The following LINGO2 variants were observed in gnomAD, a reference collection of about 807,000 sequenced individuals.
The protein encoded by LINGO2 is leucine-rich repeat and immunoglobulin-like domain-containing nogo receptor-interacting protein 2.
A neutral mutation model predicts 30.6 loss-of-function variants in LINGO2; 14 were observed. The ratio of observed to expected loss-of-function variants is 0.46; its 90% CI spans 0.30 to 0.72. The LOEUF (loss-of-function observed/expected upper bound fraction) is 0.72, where lower values mean the gene tolerates loss of function less well. Among genes scored for constraint, LINGO2 ranks in the 30% least tolerant of loss-of-function variants. LINGO2 has a pLI of 0.07. For synonymous variants in LINGO2, 317 were observed against 288.5 expected (o/e 1.10, Z -1.00); for missense variants, 729 against 751.7 (o/e 0.97, Z 0.35).
intron 5 of LINGO2, among the ~76,000 whole-genome samples, chr9:28,005,645 T>C (rs1437004695): frequency 1.3e-5 from 2 of 151,892 alleles, no homozygotes; most frequent in Admixed American, 6.6e-5. Flanking sequence ...CTTGCTTGAG[T>C]GTGTTGTGTT....
intron 1 of LINGO2, among the ~76,000 whole-genome samples, chr9:28,536,831 T>A (rs1194112473): frequency 6.6e-6 from 1 of 152,098 alleles, no homozygotes; most frequent in East Asian, 1.9e-4. Flanking sequence ...AACTCAAGGC[T>A]GGCTCCTACC....
chr9:28,736,729 T>C, the LINGO2 span, among the ~76,000 whole-genome samples: 7 of 150,318 alleles, frequency 4.7e-5, no homozygotes, highest in African/African-American at 1.7e-4. Flanking sequence ...GAGGCAGAGG[T>C]TGCAGTGAGC....
chr9:28,279,157 T>G (rs2134119776), intron 4 of LINGO2, among the ~76,000 whole-genome samples: 1 of 152,324 alleles, frequency 6.6e-6, no homozygotes, highest in Non-Finnish European at 1.5e-5. Context: ...GAGAAGTTGC[T>G]TCTTATGGAT....
At chr9:28,419,542 A>G (rs1338166231) in intron 2 of LINGO2, among the ~76,000 whole-genome samples, 1 of 152,032 alleles carries the variant, frequency 6.6e-6, no homozygotes, top group Non-Finnish European at 1.5e-5. Context: ...ACGGAAGAAG[A>G]ACAAGCCTGG....
chr9:28,378,325 T>C (rs1821211935), intron 2 of LINGO2, among the ~76,000 whole-genome samples: 1 of 152,202 alleles, frequency 6.6e-6, no homozygotes, highest in Non-Finnish European at 1.5e-5. Context: ...TATGCCATTT[T>C]AAGCAGGGAG....
the LINGO2 span, among the ~76,000 whole-genome samples, chr9:28,838,224 T>G: frequency 6.6e-6 from 1 of 152,170 alleles, no homozygotes; most frequent in African/African-American, 2.4e-5. Context: ...GAAGCAGATA[T>G]GAGAGTCCAA....
exon 6 of LINGO2, chr9:27,949,898 G>T: frequency 1.2e-6 from 2 of 1,614,080 alleles, no homozygotes; most frequent in Non-Finnish European, 1.7e-6. Flanking sequence ...ACAGATTGGT[G>T]TTGGTGACTG....
At chr9:28,167,401 G>A (rs1298061413) in intron 4 of LINGO2, among the ~76,000 whole-genome samples, 1 of 152,114 alleles carries the variant, frequency 6.6e-6, no homozygotes, top group Non-Finnish European at 1.5e-5. Context: ...TTCCTTTTGA[G>A]ACAGAGTCTC....
chr9:28,885,672 T>G, the LINGO2 span, among the ~76,000 whole-genome samples: 1 of 152,096 alleles, frequency 6.6e-6, no homozygotes, highest in African/African-American at 2.4e-5. Context: ...CTGGTGCTAT[T>G]ATGGAACTAA....
intron 1 of LINGO2, among the ~76,000 whole-genome samples, chr9:28,547,314 A>G (rs753597585): frequency 2.0e-5 from 3 of 152,110 alleles, no homozygotes; most frequent in Non-Finnish European, 4.4e-5. Flanking sequence ...CCTTATATGT[A>G]AAGAAGTCTT....
chr9:28,985,313 C>T, the LINGO2 span, among the ~76,000 whole-genome samples: 21 of 152,120 alleles, frequency 1.4e-4, no homozygotes, highest in African/African-American at 4.1e-4. Context: ...CTGTCAATAG[C>T]GCTGCAGGGA....
the LINGO2 span, among the ~76,000 whole-genome samples, chr9:29,169,982 G>C: frequency 6.6e-6 from 1 of 152,062 alleles, no homozygotes; most frequent in East Asian, 1.9e-4. Context: ...GACAGAGCAA[G>C]ACTCTGTATA....
chr9:29,161,662 A>G, the LINGO2 span, among the ~76,000 whole-genome samples: 2 of 152,120 alleles, frequency 1.3e-5, no homozygotes, highest in Non-Finnish European at 2.9e-5. Flanking sequence ...CTAACAATCT[A>G]CCAGATGATG....
the LINGO2 span, among the ~76,000 whole-genome samples, chr9:28,984,859 T>C: frequency 1.3e-5 from 2 of 152,136 alleles, no homozygotes; most frequent in Non-Finnish European, 2.9e-5. Flanking sequence ...TATTTATTAT[T>C]TTTGTAGTGA....
At chr9:28,302,121 A>G (rs945761627) in intron 3 of LINGO2, among the ~76,000 whole-genome samples, 3 of 152,206 alleles carry the variant, frequency 2.0e-5, no homozygotes, top group African/African-American at 7.2e-5. Context: ...TAATATAAAA[A>G]CACAGTAAAT....
At chr9:29,061,367 C>T in the LINGO2 span, among the ~76,000 whole-genome samples, 303 of 151,898 alleles carry the variant, frequency 2.0e-3, 1 homozygote, top group African/African-American at 7.2e-3. Flanking sequence ...TCTCAAGGAA[C>T]CAAAAGTAGC....
chr9:28,989,792 T>C, the LINGO2 span, among the ~76,000 whole-genome samples: 1 of 152,240 alleles, frequency 6.6e-6, no homozygotes, highest in African/African-American at 2.4e-5. Flanking sequence ...GATTAAGTTT[T>C]AGAAAGTGGA....
intron 4 of LINGO2, among the ~76,000 whole-genome samples, chr9:28,140,219 G>A (rs1245107565): frequency 6.6e-6 from 1 of 152,152 alleles, no homozygotes; most frequent in Non-Finnish European, 1.5e-5. Flanking sequence ...TAGACAGTGA[G>A]GATTGAGGAA....
the LINGO2 span, among the ~76,000 whole-genome samples, chr9:29,072,339 A>C: frequency 6.6e-6 from 1 of 151,972 alleles, no homozygotes; most frequent in Non-Finnish European, 1.5e-5. Context: ...ACGACAGCGA[A>C]TGGAAACATA....
Sources: gnomAD v4.1 joint callset for allele counts (sites outside exome capture counted in the v4.1 genomes callset) on GRCh38, gnomAD v4.1.1 for gene constraint, MANE v1.5 for transcripts, NCBI Gene and HGNC (gene_info 2026-07-23, HGNC 2026-07-21) for gene names.